Variants in SLC5A11 observed in about 807,000 individuals in gnomAD.
SLC5A11 encodes solute carrier family 5 member 11, also known as sodium/myo-inositol cotransporter 2.
SLC5A11 carries 48 observed loss-of-function variants against 69.8 expected under a neutral mutation model. The ratio of observed to expected loss-of-function variants is 0.69; its 90% confidence interval spans 0.55 to 0.87. The LOEUF (loss-of-function observed/expected upper bound fraction) is 0.87, where lower values mean the gene tolerates loss of function less well. SLC5A11 is among the 40% of genes least tolerant of loss of function. The probability of loss-of-function intolerance (pLI) is 0.00; values close to 1 mark genes in which losing one functional copy is unlikely to be tolerated. For synonymous variants in SLC5A11, 319 were observed against 342.4 expected, an observed-to-expected ratio of 0.93 and a Z score of 0.75; for missense variants, 784 against 866.1, an observed-to-expected ratio of 0.91 and a Z score of 1.19.
chr16:24,910,460 C>T (rs199973132), exon 15 of SLC5A11: 129 of 1,613,860 alleles, frequency 8.0e-5, no homozygotes, highest in Non-Finnish European at 2.9e-5. Flanking sequence ...CAAGAAAACA[C>T]GTCTAAAACC....
intron 10 of SLC5A11, among the ~76,000 whole-genome samples, chr16:24,904,992 A>G (rs937161582): frequency 2.5e-4 from 37 of 150,220 alleles, no homozygotes; most frequent in African/African-American, 8.6e-4. Context: ...CCTTGTGTCC[A>G]TGTGTTCTTA....
At chr16:24,873,252 AG>A (rs1567612880) in intron 5 of SLC5A11, among the ~76,000 whole-genome samples, 1 of 71,060 alleles carries the variant, frequency 1.4e-5, no homozygotes, top group Non-Finnish European at 3.1e-5. Flanking sequence ...GGAGGGAGGA[AG>A]GAAGGAAGGA....
At chr16:24,908,162 A>G (rs1314215515) in intron 13 of SLC5A11, 31 bp downstream of exon 14, 1 of 1,540,880 alleles carries the variant, frequency 6.5e-7, no homozygotes, top group Non-Finnish European at 8.7e-7. Flanking sequence ...CTATGCCAGA[A>G]CCAAGTGCTG....
At chr16:24,907,568 T>G (rs868216541) in intron 12 of SLC5A11, among the ~76,000 whole-genome samples, 1 of 151,762 alleles carries the variant, frequency 6.6e-6, no homozygotes, top group African/African-American at 2.4e-5. Context: ...AAAAATTAGC[T>G]GTGGTGGCGT....
intron 4 of SLC5A11, 63 bp from the exon 6 acceptor site, chr16:24,872,097 A>C: frequency 6.2e-7 from 1 of 1,605,994 alleles, no homozygotes; most frequent in African/African-American, 1.3e-5. Context: ...GCGCAGAGGG[A>C]AATCCAAATG....
intron 8 of SLC5A11, among the ~76,000 whole-genome samples, chr16:24,884,531 T>G (rs1375460200): frequency 4.2e-5 from 3 of 71,706 alleles, no homozygotes; most frequent in African/African-American, 8.8e-5. Flanking sequence ...TTTTTTTTTT[T>G]GTAGAGATAG....
chr16:24,889,573 G>C (rs2048635440), intron 8 of SLC5A11, among the ~76,000 whole-genome samples: 1 of 68,208 alleles, frequency 1.5e-5, no homozygotes, highest in Non-Finnish European at 2.4e-5. Flanking sequence ...TTTTTTTTGA[G>C]ATGGAGTCTC....
chr16:24,907,159 C>A, exon 12 of SLC5A11: 1 of 1,614,100 alleles, frequency 6.2e-7, no homozygotes, highest in South Asian at 1.1e-5. Flanking sequence ...TGAGAAGGAG[C>A]TCATGATTGT....
intron 1 of SLC5A11, among the ~76,000 whole-genome samples, chr16:24,855,759 A>G (rs2059501998): frequency 6.6e-6 from 1 of 152,228 alleles, no homozygotes; most frequent in Non-Finnish European, 1.5e-5. Flanking sequence ...ATGAGGACAT[A>G]GCAAGCAAGT....
In SLC5A11 at chr16:24,891,016, G is replaced by A. The variant is rs373012382; in HGVS notation, c.812G>A (p.Trp271Ter). Residue 271 changes from tryptophan to a stop codon, truncating the protein, a stop_gained, in exon 9 of 16, where the codon TGG becomes TAG. Transcript: ENST00000347898. LOFTEE classifies it high-confidence loss of function. ...GATCCGCTGACATCTGATCTCCCGT[G>A]GCCGGGGGTCCTATTTGGAATGTCC... The A allele has an allele frequency of 3.1e-6, 5 of 1,614,070 alleles. No homozygotes were observed. The highest frequency in any genetic ancestry group is 1.3e-5 in the African/African-American group (1 of 74,932).
chr16:24,907,136 G>A lies in SLC5A11; in HGVS notation c.1226G>A (p.Arg409Gln), dbSNP rs371000727. The A allele has an allele frequency of 2.7e-5, 44 of 1,613,946 alleles. No individual in the cohort carries two copies. The highest frequency in any genetic ancestry group is 5.3e-5 in the African/African-American group (4 of 74,898). ...ACCATGGACCTCTGGAATCACCTCC[G>A]GCCTCGGGCATCTGAGAAGGAGCTC... The change falls in exon 12 of 16, where the codon CGG (arginine) becomes CAG (glutamine). Residue 409 changes from arginine (R) to glutamine (Q), a missense_variant. Physicochemically the swap from Arg to Gln is conservative, Grantham distance 43. Coordinates refer to ENST00000347898, the Ensembl canonical transcript of SLC5A11.
chr16:24,862,841 A>C (rs75962295), intron 3 of SLC5A11, among the ~76,000 whole-genome samples, 169 bp downstream of exon 4: 15,798 of 149,694 alleles, frequency 0.11, 1,830 homozygotes, highest in East Asian at 0.27. Context: ...ACAACAACAA[A>C]AAAAAACAAT....
intron 8 of SLC5A11, among the ~76,000 whole-genome samples, chr16:24,884,778 C>T (rs527786104): frequency 6.6e-6 from 1 of 151,776 alleles, no homozygotes; most frequent in Non-Finnish European, 1.5e-5. Flanking sequence ...TATCACTCTG[C>T]CACCCAGGCT....
At chr16:24,906,866 G>A (rs551369496) in intron 11 of SLC5A11, 102 bp downstream of exon 12, 3 of 1,384,180 alleles carry the variant, frequency 2.2e-6, no homozygotes, top group South Asian at 2.7e-5. Context: ...GAGGGCTGGT[G>A]GGGGAGGAAG....
chr16:24,862,663 G>A (rs1197678707), exon 3 of SLC5A11: 1 of 1,613,346 alleles, frequency 6.2e-7, no homozygotes, highest in Non-Finnish European at 8.5e-7. Flanking sequence ...GGGACATGGT[G>A]TGGTGGCCAG....
At chr16:24,907,306 T>A in intron 12 of SLC5A11, 131 bp downstream of exon 13, 6 of 1,016,364 alleles carry the variant, frequency 5.9e-6, no homozygotes, top group Non-Finnish European at 8.7e-6. Flanking sequence ...AGACATTCAT[T>A]CATTCAGGAG....
At chr16:24,875,833 G>A (rs536626714) in intron 6 of SLC5A11, 102 bp downstream of exon 7, 52 of 916,392 alleles carry the variant, frequency 5.7e-5, no homozygotes, top group African/African-American at 3.6e-4. Context: ...CTTTCTCCTC[G>A]TCTTTCATAG....
intron 10 of SLC5A11, among the ~76,000 whole-genome samples, chr16:24,906,339 T>G (rs1438936603): frequency 2.9e-5 from 4 of 136,406 alleles, no homozygotes; most frequent in Non-Finnish European, 4.6e-5. Flanking sequence ...AGAGGCTCCG[T>G]CTCAAAAAAA....
intron 1 of SLC5A11, among the ~76,000 whole-genome samples, chr16:24,850,313 C>T (rs1202695975): frequency 2.6e-5 from 4 of 152,210 alleles, no homozygotes; most frequent in East Asian, 1.9e-4. Context: ...ATGGCATCAA[C>T]GGGTGGAGGA....
Sources: gnomAD v4.1 joint callset for allele counts (sites outside exome capture counted in the v4.1 genomes callset) on GRCh38, gnomAD v4.1.1 for gene constraint, MANE v1.5 for transcripts, NCBI Gene and HGNC (gene_info 2026-07-23, HGNC 2026-07-21) for gene names.